CATSPERB: variants seen among roughly 807,000 people sequenced by gnomAD.
The protein encoded by CATSPERB is cation channel sperm-associated auxiliary subunit beta.
CATSPERB carries 93 observed loss-of-function variants against 128.3 expected under a neutral mutation model. The observed-to-expected ratio is 0.72, with a 90% CI of 0.61 to 0.86. The LOEUF (loss-of-function observed/expected upper bound fraction) is 0.86. CATSPERB is among the 40% of genes least tolerant of loss of function. The pLI is 0.00. For synonymous variants in CATSPERB, 381 were observed against 448.8 expected (o/e 0.85, Z 1.91); for missense variants, 1,153 against 1,329.5 (o/e 0.87, Z 2.06).
intron 22 of CATSPERB, among the ~76,000 whole-genome samples, chr14:91,607,780 T>C (rs966799907): frequency 6.6e-6 from 1 of 152,178 alleles, no homozygotes; most frequent in Non-Finnish European, 1.5e-5. Flanking sequence ...CAGGCGTCCA[T>C]GTGGTCTCCT....
At chr14:91,697,900 T>C (rs950273795) in intron 7 of CATSPERB, among the ~76,000 whole-genome samples, 2 of 152,214 alleles carry the variant, frequency 1.3e-5, no homozygotes, top group Non-Finnish European at 2.9e-5. Context: ...ACTAGTTTTT[T>C]CTAATTCTGT....
chr14:91,708,945 A>G (rs1022131111), intron 5 of CATSPERB, among the ~76,000 whole-genome samples: 17 of 152,364 alleles, frequency 1.1e-4, no homozygotes, highest in African/African-American at 4.1e-4. Context: ...CAGTAGCTTT[A>G]GCCTGGGAGC....
intron 15 of CATSPERB, among the ~76,000 whole-genome samples, chr14:91,641,189 C>G (rs1894492760): frequency 6.7e-6 from 1 of 149,182 alleles, no homozygotes; most frequent in Admixed American, 6.7e-5. Context: ...TGTAGGTTGC[C>G]TGTTCACTCT....
chr14:91,628,154 G>C (rs1293362418), intron 17 of CATSPERB, among the ~76,000 whole-genome samples: 1 of 151,542 alleles, frequency 6.6e-6, no homozygotes, highest in Non-Finnish European at 1.5e-5. Context: ...TTTTTGTTTT[G>C]TTTTGTTTGG....
intron 22 of CATSPERB, among the ~76,000 whole-genome samples, chr14:91,607,574 C>T (rs1016458221): frequency 6.6e-6 from 1 of 152,192 alleles, no homozygotes; most frequent in African/African-American, 2.4e-5. Context: ...ATGTCAAGGC[C>T]AAAGTCCAAG....
At chr14:91,723,936 C>G (rs978515296) in intron 3 of CATSPERB, among the ~76,000 whole-genome samples, 4 of 152,138 alleles carry the variant, frequency 2.6e-5, no homozygotes, top group African/African-American at 9.6e-5. Context: ...ATATAGAATA[C>G]ATTATAAGAA....
At chr14:91,587,319 T>C (rs1893320750) in intron 25 of CATSPERB, 43 bp from the exon 26 acceptor site, 3 of 1,426,810 alleles carry the variant, frequency 2.1e-6, no homozygotes, top group East Asian at 2.4e-5. Context: ...CATCAACATG[T>C]ACATTCCTTT....
intron 15 of CATSPERB, among the ~76,000 whole-genome samples, chr14:91,653,878 A>C (rs544091969): frequency 6.6e-6 from 1 of 152,222 alleles, no homozygotes; most frequent in Non-Finnish European, 1.5e-5. Flanking sequence ...CAGGTTTACC[A>C]CTTTCCAAGG....
At chr14:91,689,243 C>A (rs1895425674) in intron 10 of CATSPERB, among the ~76,000 whole-genome samples, 1 of 152,208 alleles carries the variant, frequency 6.6e-6, no homozygotes, top group Non-Finnish European at 1.5e-5. Flanking sequence ...CGGAGCTCTG[C>A]CAGCCAAACT....
At chr14:91,672,464 T>C (rs1025262983) in intron 13 of CATSPERB, among the ~76,000 whole-genome samples, 1 of 152,318 alleles carries the variant, frequency 6.6e-6, no homozygotes, top group African/African-American at 2.4e-5. Flanking sequence ...TGTTTTTTAA[T>C]GGCTCTAAGA....
chr14:91,662,901 G>A (rs561512926), intron 14 of CATSPERB, among the ~76,000 whole-genome samples: 76 of 151,942 alleles, frequency 5.0e-4, no homozygotes, highest in Non-Finnish European at 8.8e-4. Flanking sequence ...TTTTCATATT[G>A]CTTTGCAGAA....
At chr14:91,649,655 C>T (rs1894671943) in intron 15 of CATSPERB, among the ~76,000 whole-genome samples, 1 of 109,902 alleles carries the variant, frequency 9.1e-6, no homozygotes, top group African/African-American at 3.6e-5. Flanking sequence ...CGCCAGCATG[C>T]ACATTTAAAA....
At chr14:91,622,432 A>G (rs989492537) in intron 18 of CATSPERB, among the ~76,000 whole-genome samples, 4 of 152,204 alleles carry the variant, frequency 2.6e-5, no homozygotes, top group Non-Finnish European at 5.9e-5. Flanking sequence ...GACCTTAAGG[A>G]ACATCATCAT....
At chr14:91,667,866 A>G (rs1000401657) in intron 14 of CATSPERB, among the ~76,000 whole-genome samples, 1 of 152,234 alleles carries the variant, frequency 6.6e-6, no homozygotes, top group Non-Finnish European at 1.5e-5. Flanking sequence ...AGGTCCTGTG[A>G]CAGCCATCTT....
intron 22 of CATSPERB, among the ~76,000 whole-genome samples, chr14:91,595,377 C>T (rs1893487533): frequency 6.6e-6 from 1 of 151,494 alleles, no homozygotes; most frequent in Admixed American, 6.6e-5. Context: ...CCGTGTTAGC[C>T]AGGATGGTCT....
At chr14:91,606,398 A>G (rs920753625) in intron 22 of CATSPERB, among the ~76,000 whole-genome samples, 14 of 151,902 alleles carry the variant, frequency 9.2e-5, no homozygotes, top group Middle Eastern at 3.4e-3. Flanking sequence ...CCCCGTCTCT[A>G]CTAAAAATGC....
chr14:91,596,265 A>C (rs1893503933), intron 22 of CATSPERB, among the ~76,000 whole-genome samples: 1 of 151,866 alleles, frequency 6.6e-6, no homozygotes, highest in Admixed American at 6.6e-5. Context: ...GTGCAGTGGC[A>C]CAATCTCGGC....
chr14:91,594,125 T>C (rs879476081), intron 22 of CATSPERB, among the ~76,000 whole-genome samples: 20 of 152,242 alleles, frequency 1.3e-4, no homozygotes, highest in African/African-American at 1.9e-4. Context: ...GGCACATATA[T>C]ACCATGGAAT....
chr14:91,724,055 G>A (rs1025387438), intron 3 of CATSPERB, among the ~76,000 whole-genome samples: 2 of 152,172 alleles, frequency 1.3e-5, no homozygotes, highest in African/African-American at 4.8e-5. Flanking sequence ...AAGATTAAAT[G>A]TATAGATTAA....
Sources: gnomAD v4.1 joint callset for allele counts (sites outside exome capture counted in the v4.1 genomes callset) on GRCh38, gnomAD v4.1.1 for gene constraint, MANE v1.5 for transcripts, NCBI Gene and HGNC (gene_info 2026-07-23, HGNC 2026-07-21) for gene names.